The following MAGEB16 variants were observed in gnomAD, a reference collection of about 807,000 sequenced individuals.
The protein encoded by MAGEB16 is melanoma-associated antigen B16.
For synonymous variants in MAGEB16, 95 were observed against 92.1 expected (o/e 1.03, Z -0.18); for missense variants, 217 against 234.0 (o/e 0.93, Z 0.47).
chrX:35,800,215 G>C (rs891907469), intron 1 of MAGEB16, among the ~76,000 whole-genome samples: 22 of 111,149 alleles, frequency 2.0e-4, no homozygotes, highest in Non-Finnish European at 3.8e-4. Flanking sequence ...TGTAGACATT[G>C]AGTATAGATG....
chrX:35,801,051 G>T (rs1409653439), intron 1 of MAGEB16, among the ~76,000 whole-genome samples: 1 of 111,604 alleles, frequency 9.0e-6, no homozygotes, highest in Non-Finnish European at 1.9e-5. Context: ...CACTGGGCAG[G>T]GATCATGTGA....
chrX:35,800,991 T>C (rs1934857740), intron 1 of MAGEB16, among the ~76,000 whole-genome samples: 1 of 111,093 alleles, frequency 9.0e-6, no homozygotes, highest in South Asian at 3.9e-4. Context: ...AGGAATCCAC[T>C]CCAGGATATA....
rs759974657 is a variant in MAGEB16, at chrX:35,802,722, A to C, written c.526A>C (p.Thr176Pro). 2.5e-6 allele frequency: 3 copies of C among 1,209,037 alleles called. No individual in the cohort carries two copies. In the African/African-American group the frequency reaches 5.3e-5, roughly 21 times the overall value. The change falls in exon 2 of 2, where the codon ACC (threonine) becomes CCC (proline). Residue 176 changes from threonine (T) to proline (P), a missense_variant. Transcript: ENST00000399988. ...CCTTGATGTGGTGGAGGTGGACCCCACCACCCATTGCTATGGCCTCTTCAT... is the reference window on the plus strand; with the variant it reads ...CCTTGATGTGGTGGAGGTGGACCCCCCCACCCATTGCTATGGCCTCTTCAT...
rs182456551 is a variant in MAGEB16, at chrX:35,801,943, G to A, written c.-66-188G>A. On this transcript the variant is annotated intron_variant, in intron 1 of 1. Transcript: ENST00000399988. ...CCTGAAAAATTCTCACGTTGGGTTG[G>A]CTGGCTGCACCCTGAGAATTCTCAC... Among the ~76,000 whole-genome samples the A allele has an allele frequency of 1.1e-4, 12 of 112,281 alleles. 1 individual carries two copies. The highest frequency in any genetic ancestry group is 8.4e-4 in the Admixed American group (9 of 10,667).
Position 35,802,431 on chromosome X carries a change from T to A in MAGEB16, c.235T>A (p.Ser79Thr), listed in dbSNP as rs771516908. Residue 79 changes from serine to threonine, a missense_variant, in exon 2 of 2, where the codon TCA becomes ACA. Coordinates refer to ENST00000399988, the Ensembl canonical transcript of MAGEB16. ...CTCTTCCATTGCCGTCACAACCACC[T>A]CATCAAGTGAATCTGATGAGGCTTC... The A allele has an allele frequency of 2.5e-6, 3 of 1,208,768 alleles. No individual in the cohort carries two copies. The Admixed American group carries it at 6.6e-5, about 26-fold the overall frequency.
chrX:35,802,430 C>T (rs1172177891), exon 2 of MAGEB16: 1 of 1,209,310 alleles, frequency 8.3e-7, no homozygotes, highest in East Asian at 3.0e-5. Context: ...TCACAACCAC[C>T]TCATCAAGTG....
intron 1 of MAGEB16, 73 bp from the exon 2 acceptor site, chrX:35,802,058 A>G: frequency 1.4e-6 from 1 of 704,271 alleles, no homozygotes; most frequent in Non-Finnish European, 2.1e-6. Flanking sequence ...GTCTATAGGC[A>G]GTGGCTTCCA....
rs370569797 is a variant in MAGEB16, at chrX:35,803,088, C to T, written c.892C>T (p.His298Tyr). 9.1e-6 allele frequency: 11 copies of T among 1,209,570 alleles called. No homozygotes were observed. In the African/African-American group the frequency reaches 1.7e-4, roughly 19 times the overall value. ...AGTCCTGGAGTTTGTGGCCAAAGTT[C>T]ATGGGTCTTACCCACATTCTTTCCC... Residue 298 changes from histidine (H) to tyrosine (Y), a missense_variant, in exon 2 of 2, where the codon CAT becomes TAT. Coordinates refer to ENST00000399988, the Ensembl canonical transcript of MAGEB16.
chrX:35,799,778 A>G (rs898736128), intron 1 of MAGEB16, among the ~76,000 whole-genome samples: 1 of 111,688 alleles, frequency 9.0e-6, no homozygotes, highest in African/African-American at 3.3e-5. Context: ...CCAGACCATG[A>G]AAAAGATCTG....
intron 1 of MAGEB16, chrX:35,801,524 T>C (rs1934862347): frequency 8.9e-6 from 1 of 112,009 alleles, no homozygotes; most frequent in Non-Finnish European, 1.9e-5. Flanking sequence ...AGGTGACACC[T>C]CACTACCTCC....
exon 2 of MAGEB16, chrX:35,803,304 C>A: frequency 1.5e-6 from 1 of 686,863 alleles, no homozygotes; most frequent in Non-Finnish European, 2.1e-6. Flanking sequence ...TTCAAGGATG[C>A]AGGTCCAGGG....
intron 1 of MAGEB16, chrX:35,800,710 G>A (rs1487385958): frequency 7.9e-5 from 36 of 457,390 alleles, no homozygotes; most frequent in Admixed American, 7.2e-4. Flanking sequence ...TTCCTGTTCA[G>A]TGAACTCAGG....
At chrX:35,799,733 A>G (rs16992124) in intron 1 of MAGEB16, among the ~76,000 whole-genome samples, 2,735 of 111,589 alleles carry the variant, frequency 0.025, 79 homozygotes, top group African/African-American at 0.077. Flanking sequence ...AGGAGGTCTT[A>G]TTGTGAGGGA....
At chrX:35,802,892 G>A (rs943904749) in exon 2 of MAGEB16, 1 of 1,211,828 alleles carries the variant, frequency 8.3e-7, no homozygotes, top group East Asian at 3.0e-5. Flanking sequence ...TGAATTTGAC[G>A]GGAGTATATT....
exon 2 of MAGEB16, chrX:35,802,909 A>G (rs767878810): frequency 2.5e-6 from 3 of 1,212,131 alleles, no homozygotes; most frequent in South Asian, 3.5e-5. Flanking sequence ...TATTCTGGGA[A>G]GAAGCACTTC....
At chrX:35,803,309 C>T in exon 2 of MAGEB16, 2 of 631,275 alleles carry the variant, frequency 3.2e-6, no homozygotes, top group Admixed American at 8.5e-5. Flanking sequence ...GGATGCAGGT[C>T]CAGGGTGGGG....
At chrX:35,799,512 G>T (rs779419440) in intron 1 of MAGEB16, among the ~76,000 whole-genome samples, 1 of 111,852 alleles carries the variant, frequency 8.9e-6, no homozygotes, top group African/African-American at 3.2e-5. Flanking sequence ...TTTTCTCCTG[G>T]GGTCTTAGGG....
exon 2 of MAGEB16, chrX:35,802,757 C>T: frequency 1.7e-6 from 2 of 1,211,310 alleles, no homozygotes; most frequent in Non-Finnish European, 2.2e-6. Flanking sequence ...TCAAACTGGG[C>T]CTCACCTATG....
chrX:35,802,642 G>A, exon 2 of MAGEB16: 1 of 1,211,039 alleles, frequency 8.3e-7, no homozygotes, highest in Non-Finnish European at 1.1e-6. Flanking sequence ...GATGATGAGA[G>A]CCACTTCTCT....
Sources: gnomAD v4.1 joint callset for allele counts (sites outside exome capture counted in the v4.1 genomes callset) on GRCh38, gnomAD v4.1.1 for gene constraint, MANE v1.5 for transcripts, NCBI Gene and HGNC (gene_info 2026-07-23, HGNC 2026-07-21) for gene names.